Variants in RNF44 observed in about 807,000 individuals in gnomAD.
RNF44 encodes the protein ring finger protein 44.
A neutral mutation model predicts 53.6 loss-of-function variants in RNF44; 25 were observed. That is an observed-to-expected ratio of 0.47 (90% CI 0.34 to 0.65). RNF44 has a LOEUF of 0.65. RNF44 is among the 30% of genes least tolerant of loss of function. The probability of loss-of-function intolerance (pLI) is 0.01; values close to 1 mark genes in which losing one functional copy is unlikely to be tolerated. For synonymous variants in RNF44, 282 were observed against 252.2 expected, an observed-to-expected ratio of 1.12 and a Z score of -1.12; for missense variants, 581 against 595.5, an observed-to-expected ratio of 0.98 and a Z score of 0.25.
rs1227751303 is a variant in RNF44 at position 176,526,955 on chromosome 5, A to G, written c.*2073T>C. The G allele has an allele frequency of 6.6e-6, 1 of 152,520 alleles. No homozygotes were observed. Among genetic ancestry groups the G allele is most frequent in the Non-Finnish European group, 1.5e-5 (1 of 68,046 alleles). The allele number at this position is 152,520 out of a possible 1,614,324, so 9.4% of individuals were successfully genotyped here. A position where few individuals can be genotyped will look rare whatever the true frequency, so the allele number is the denominator to read the frequency against. ...AAAAACCACACATTTAAGCTTTAAG[A>G]ACCATTTTTTTCTCTATATATTAGC... is the stretch of plus-strand genomic sequence containing the variant. On this transcript the variant is annotated 3_prime_UTR_variant, in exon 11 of 11. Coordinates refer to ENST00000274811, the MANE Select transcript of RNF44 (RefSeq NM_014901.5).
Position 176,531,063 on chromosome 5 carries a change from G to C in RNF44, c.466-42C>G. 1 of 1,393,426 alleles carries C rather than the reference G, an allele frequency of 7.2e-7. No individual in the cohort carries two copies. The highest frequency in any genetic ancestry group is 9.4e-7 in the Non-Finnish European group (1 of 1,060,538). 86.3% of individuals were successfully genotyped at this position (1,393,426 alleles called of 1,614,324 possible). On this transcript the variant is annotated intron_variant, in intron 4 of 10. Coordinates refer to ENST00000274811, the MANE Select transcript of RNF44 (RefSeq NM_014901.5). The surrounding 1 kb of genome is among the most constrained non-coding windows in gnomAD (Gnocchi z 4.2). Reference sequence around the variant, plus strand: ...CAGGGGGCTGAGAACGTTCTCCTGGGCTCTGGGCCAGGTCTACGCCATGCC... The same window carrying C: ...CAGGGGGCTGAGAACGTTCTCCTGGCCTCTGGGCCAGGTCTACGCCATGCC...
At chr5:176,538,876 A>AGTT (rs1757375620), upstream of RNF44, among the ~76,000 whole-genome samples, 1 of 107,696 alleles carries the variant, frequency 9.3e-6, no homozygotes, top group Non-Finnish European at 2.0e-5. Flanking sequence ...ACTGATTAAC[A>AGTT]ATTGTCCTTA....
At chr5:176,530,797 C>G in intron 5 of RNF44, 51 bp downstream of exon 5, 1 of 1,473,994 alleles carries the variant, frequency 6.8e-7, no homozygotes, top group Non-Finnish European at 9.0e-7. Flanking sequence ...TGTCCTCACC[C>G]TGCCTCCCCC....
At chr5:176,532,274 C>A in intron 2 of RNF44, 81 bp from the exon 3 acceptor site, 10 of 1,511,360 alleles carry the variant, frequency 6.6e-6, no homozygotes, top group Non-Finnish European at 8.9e-6. Flanking sequence ...AGGGTGACTC[C>A]CCCCATGGGG....
intron 2 of RNF44, 21 bp from the exon 3 acceptor site, chr5:176,532,214 C>T (rs2113136393): frequency 6.7e-7 from 1 of 1,493,214 alleles, no homozygotes. Context: ...GAGAGGAGGC[C>T]CCGATAGGAC....
In RNF44 at chr5:176,529,281, G is replaced by C; in HGVS notation, c.1236+7C>G. 6.2e-7 allele frequency: 1 copy of C among 1,612,438 alleles called. No individual in the cohort carries two copies. Among genetic ancestry groups the C allele is most frequent in the Non-Finnish European group, 8.5e-7 (1 of 1,178,826 alleles). ...GAATACCCAGGAGCAGACCTGGGCA[G>C]TGTTACCTTCAACCACTTGTCAACA... is the stretch of plus-strand genomic sequence containing the variant. On this transcript the variant is annotated splice_region_variant and intron_variant, in intron 10 of 10. Coordinates refer to ENST00000274811, the MANE Select transcript of RNF44 (RefSeq NM_014901.5).
At position 176,531,817 on chromosome 5, in the gene RNF44, T is replaced by C. The variant is rs1756695244; in HGVS notation, c.297+187A>G. 2 of 858,396 alleles carry C rather than the reference T, an allele frequency of 2.3e-6. No homozygotes were observed. Among genetic ancestry groups the C allele is most frequent in the African/African-American group, 1.7e-5 (1 of 58,450 alleles). The allele number at this position is 858,396 out of a possible 1,614,324, so 53.2% of individuals were successfully genotyped here. On this transcript the variant is annotated intron_variant, in intron 3 of 10. Coordinates refer to ENST00000274811, the MANE Select transcript of RNF44 (RefSeq NM_014901.5). This position sits in a 1 kb window ranked among gnomAD's most constrained non-coding sequence, Gnocchi z 4.2. ...CGGGGCAGAGAAAGCCCCGTGGGAA[T>C]CTAGCTCTGCTAGTCACCCAGTGTG...
At position 176,529,589 on chromosome 5, in the gene RNF44, T is replaced by C; in HGVS notation, c.1070A>G (p.Lys357Arg). ...LGDAKPRGLTKADIEQLPSYR... is the reference protein window; with the variant it reads ...LGDAKPRGLTRADIEQLPSYR... ...CGACGGGAGCTGCTCTATGTCTGCT[T>C]TGGTGAGACCCCGGGGCTTGGCATC... Residue 357 changes from lysine to arginine, a missense_variant, in exon 9 of 11, where the codon AAA becomes AGA. Physicochemically the swap from Lys to Arg is conservative, Grantham distance 26. Coordinates refer to ENST00000274811, the MANE Select transcript of RNF44 (RefSeq NM_014901.5). The C allele has an allele frequency of 6.2e-7, 1 of 1,613,994 alleles. No homozygotes were observed. Among genetic ancestry groups the C allele is most frequent in the South Asian group, 1.1e-5 (1 of 91,082 alleles).
chr5:176,542,242 CCT>C, upstream of RNF44, among the ~76,000 whole-genome samples: 1 of 152,142 alleles, frequency 6.6e-6, no homozygotes, highest in East Asian at 1.9e-4. Context: ...AGACAGAGCC[CCT>C]GAGGCCAGCC....
At position 176,532,086 on chromosome 5, in the gene RNF44, G is replaced by C. The variant is rs755668757; in HGVS notation, c.215C>G (p.Ala72Gly). 1.2e-6 allele frequency: 2 copies of C among 1,603,902 alleles called. No homozygotes were observed. The highest frequency in any genetic ancestry group is 1.7e-6 in the Non-Finnish European group (2 of 1,175,712). ...GGGGCTCCCGCCGGCAGGAGCCGAG[G>C]CTCGGCGCTCCTCTACGGGGAGGTG... The part of the protein sequence containing the change: ...PPHLPVEERR[A>G]SAPAGGSPRM... Residue 72 changes from alanine (A) to glycine (G), a missense_variant, in exon 3 of 11, where the codon GCC (alanine) becomes GGC (glycine). By Grantham distance (60) the Ala-to-Gly change is moderately conservative. Transcript: ENST00000274811.
rs1472380736 is a variant in RNF44 at position 176,537,093 on chromosome 5, G to C, written c.-198C>G. 1 of 152,252 alleles carries C rather than the reference G, an allele frequency of 6.6e-6. No individual in the cohort carries two copies. Among genetic ancestry groups the C allele is most frequent in the Non-Finnish European group, 1.5e-5 (1 of 68,122 alleles). The allele number at this position is 152,252 out of a possible 1,614,324, so 9.4% of individuals were successfully genotyped here. On this transcript the variant is annotated 5_prime_UTR_variant, in exon 1 of 11. Coordinates refer to ENST00000274811, the MANE Select transcript of RNF44 (RefSeq NM_014901.5). The stretch of plus-strand genomic sequence containing the variant: ...GCTCCCCTCCCCACCCCCGGGTCCG[G>C]GGGCAGCCCGGCTCCTTCCGGGGCC...
rs61169311 is a variant in RNF44, at chr5:176,537,013, A to AGGGGGGGGGGGGGGGGGGGG, written c.-119_-118insCCCCCCCCCCCCCCCCCCCC. On this transcript the variant is annotated 5_prime_UTR_variant, in exon 1 of 11. Coordinates refer to ENST00000274811, the MANE Select transcript of RNF44 (RefSeq NM_014901.5). ...GGCCAAACTGGGCAGGGGGCGGGGG[A>AGGGGGGGGGGGGGGGGGGGG]GGGGGGGGGTGCCTGTCTGGATCCT... is the stretch of plus-strand genomic sequence containing the variant. 1.3e-5 allele frequency: 1 copy of AGGGGGGGGGGGGGGGGGGGG among 77,380 alleles called. No individual in the cohort carries two copies. The highest frequency in any genetic ancestry group is 6.2e-5 in the African/African-American group (1 of 16,198). The allele number at this position is 77,380 out of a possible 1,614,324, so 4.8% of individuals were successfully genotyped here.
chr5:176,531,858 C>T lies in RNF44; in HGVS notation c.297+146G>A, dbSNP rs1756699898. On this transcript the variant is annotated intron_variant, in intron 3 of 10. Transcript: ENST00000274811. This position sits in a 1 kb window ranked among gnomAD's most constrained non-coding sequence, Gnocchi z 4.2. Reference sequence around the variant, plus strand: ...ACCCAGTGTGGCCCTTTCCCCGGGCCTCAGTTTACCTACCTGTAAAGCAGG... The same window carrying T: ...ACCCAGTGTGGCCCTTTCCCCGGGCTTCAGTTTACCTACCTGTAAAGCAGG... 2.0e-6 allele frequency: 2 copies of T among 977,656 alleles called. No individual in the cohort carries two copies. The highest frequency in any genetic ancestry group is 3.0e-6 in the Non-Finnish European group (2 of 669,484). 60.6% of individuals were successfully genotyped at this position (977,656 alleles called of 1,614,324 possible). A position where few individuals can be genotyped will look rare whatever the true frequency, so the allele number is the denominator to read the frequency against.
chr5:176,531,376 G>T lies in RNF44; in HGVS notation c.465+87C>A. ...CTGGATGGCTGGATAGCTCAGCCCA[G>T]TTCAGGGCTGCCCTGGGCCCGCTGA... On this transcript the variant is annotated intron_variant, in intron 4 of 10. Transcript: ENST00000274811. The surrounding 1 kb of genome is among the most constrained non-coding windows in gnomAD (Gnocchi z 4.2). 7.3e-7 allele frequency: 1 copy of T among 1,370,220 alleles called. No homozygotes were observed. 84.9% of individuals were successfully genotyped at this position (1,370,220 alleles called of 1,614,324 possible). A position where few individuals can be genotyped will look rare whatever the true frequency, so the allele number is the denominator to read the frequency against.
chr5:176,529,139 C>T (rs1337733040), intron 10 of RNF44, 49 bp from the exon 11 acceptor site: 3 of 1,603,924 alleles, frequency 1.9e-6, no homozygotes, highest in East Asian at 2.2e-5. Context: ...CCCAACCCAC[C>T]ACATCTGTGC....
Position 176,531,430 on chromosome 5 carries a change from C to T in RNF44, c.465+33G>A. 6.5e-7 allele frequency: 1 copy of T among 1,536,560 alleles called. No homozygotes were observed. Among genetic ancestry groups the T allele is most frequent in the South Asian group, 1.2e-5 (1 of 82,686 alleles). On this transcript the variant is annotated intron_variant, in intron 4 of 10. Coordinates refer to ENST00000274811, the MANE Select transcript of RNF44 (RefSeq NM_014901.5). This position sits in a 1 kb window ranked among gnomAD's most constrained non-coding sequence, Gnocchi z 4.2. ...GCTGGCCTGTGCCTGGGGCTTGCAG[C>T]TGGTGGAGGAGGAGCTAGAAACACT...
intron 1 of RNF44, among the ~76,000 whole-genome samples, chr5:176,533,091 C>T (rs1464473806): frequency 6.6e-6 from 1 of 152,172 alleles, no homozygotes; most frequent in Non-Finnish European, 1.5e-5. Context: ...GGGCTTAGGG[C>T]CAGACCTTTC....
chr5:176,537,529 T>C (rs1757311159), upstream of RNF44: 1 of 152,004 alleles, frequency 6.6e-6, no homozygotes, highest in African/African-American at 2.4e-5. Context: ...CCTTCGCACT[T>C]AAAGGGACCG....
chr5:176,529,018 C>T lies in RNF44; in HGVS notation c.*10G>A. On this transcript the variant is annotated 3_prime_UTR_variant, in exon 11 of 11. Coordinates refer to ENST00000274811, the MANE Select transcript of RNF44 (RefSeq NM_014901.5). Reference sequence around the variant, plus strand: ...AGGCAGGGTTCTCCCGGGCAGGCGGCTGCGTGGCCTCACTCAGCCTCCCTG... The same window carrying T: ...AGGCAGGGTTCTCCCGGGCAGGCGGTTGCGTGGCCTCACTCAGCCTCCCTG... 1.2e-6 allele frequency: 2 copies of T among 1,609,902 alleles called. No homozygotes were observed. The highest frequency in any genetic ancestry group is 2.2e-5 in the East Asian group (1 of 44,694).
Sources: allele counts gnomAD v4.1 joint callset (sites outside exome capture counted in the v4.1 genomes callset), GRCh38; gene constraint gnomAD v4.1.1; non-coding constraint Gnocchi (gnomAD v3.1); transcripts MANE v1.5; gene names NCBI Gene and HGNC (gene_info 2026-07-23, HGNC 2026-07-21).